The following SPATA13 variants were observed in gnomAD, a reference collection of about 807,000 sequenced individuals.
SPATA13 encodes the protein spermatogenesis-associated protein 13.
Under a neutral mutation model 104.0 loss-of-function variants are expected in SPATA13, and 50 were observed. The observed-to-expected ratio is 0.48, with a 90% CI of 0.38 to 0.61. The LOEUF is 0.61. SPATA13 is among the 20% of genes least tolerant of loss of function. The pLI, the probability that SPATA13 is intolerant of heterozygous loss-of-function variation, is 0.00. For synonymous variants in SPATA13, 606 were observed against 667.5 expected, an observed-to-expected ratio of 0.91 and a Z score of 1.42; for missense variants, 1,524 against 1,690.6, an observed-to-expected ratio of 0.90 and a Z score of 1.73.
At chr13:24,299,110 C>T (rs1240562876) in intron 11 of SPATA13, among the ~76,000 whole-genome samples, 1 of 152,230 alleles carries the variant, frequency 6.6e-6, no homozygotes, top group Admixed American at 6.5e-5. Context: ...TGCAAAATGA[C>T]AGAGCCACAA....
chr13:24,150,268 C>G (rs1367278398), intron 3 of SPATA13, among the ~76,000 whole-genome samples: 1 of 152,212 alleles, frequency 6.6e-6, no homozygotes, highest in East Asian at 1.9e-4. Context: ...CCAGTGCACC[C>G]ACCGCATGTC....
intron 1 of SPATA13, among the ~76,000 whole-genome samples, chr13:24,182,387 T>C (rs1868869408): frequency 6.6e-6 from 1 of 152,114 alleles, no homozygotes; most frequent in Non-Finnish European, 1.5e-5. Flanking sequence ...ACAGGAAACA[T>C]AGTGCCAGTA....
At chr13:24,104,656 A>G (rs888020963) in intron 3 of SPATA13, among the ~76,000 whole-genome samples, 3 of 152,258 alleles carry the variant, frequency 2.0e-5, no homozygotes, top group Admixed American at 6.5e-5. Flanking sequence ...GGAAGTTCCC[A>G]TCTTTGATGA....
rs541452184 is a variant in SPATA13, at chr13:24,088,434, A to G, written c.-112+70733A>G. Among the ~76,000 whole-genome samples, 1 of 152,238 alleles carries G rather than the reference A, an allele frequency of 6.6e-6. No homozygotes were observed. The highest frequency in any genetic ancestry group is 1.9e-4 in the East Asian group (1 of 5,186). Reference sequence around the variant, plus strand: ...GTTTCCTTTCTTCCTCTTGAGATGAAGACACATGAGAACCCAAGCCCATCA... The same window carrying G: ...GTTTCCTTTCTTCCTCTTGAGATGAGGACACATGAGAACCCAAGCCCATCA... On this transcript the variant is annotated intron_variant, in intron 3 of 14. Coordinates refer to the SPATA13 transcript ENST00000424834. The surrounding 1 kb of genome is among the most constrained non-coding windows in gnomAD (Gnocchi z 4.3).
chr13:24,112,970 G>A lies in SPATA13; in HGVS notation c.-112+95269G>A, dbSNP rs113985883. Among the ~76,000 whole-genome samples the A allele has an allele frequency of 2.3e-3, 350 of 152,208 alleles. 5 individuals carry two copies. The highest frequency in any genetic ancestry group is 7.8e-3 in the African/African-American group (323 of 41,518). Reference sequence around the variant, plus strand: ...TCATTCTAGCAGACTCAACAGGAGGGGCTACTTACTGTAATGAGTCACAGC... The same window carrying A: ...TCATTCTAGCAGACTCAACAGGAGGAGCTACTTACTGTAATGAGTCACAGC... On this transcript the variant is annotated intron_variant, in intron 3 of 14. Transcript: ENST00000424834.
chr13:24,200,426 C>G (rs1012872125), intron 1 of SPATA13, among the ~76,000 whole-genome samples: 4 of 152,044 alleles, frequency 2.6e-5, no homozygotes, highest in African/African-American at 9.7e-5. Flanking sequence ...AGGACAAAGA[C>G]AAGTAAACAC....
intron 3 of SPATA13, among the ~76,000 whole-genome samples, chr13:24,135,622 C>T (rs982135171): frequency 2.7e-5 from 4 of 146,592 alleles, no homozygotes; most frequent in African/African-American, 5.1e-5. Context: ...GGCGTGAACC[C>T]GGGAGGCGGA....
At chr13:24,155,627 C>T (rs1358410155) in intron 3 of SPATA13, among the ~76,000 whole-genome samples, 3 of 152,130 alleles carry the variant, frequency 2.0e-5, no homozygotes, top group Non-Finnish European at 4.4e-5. Context: ...ATCCCAATGG[C>T]TTTCTGCAGA....
intron 1 of SPATA13, among the ~76,000 whole-genome samples, chr13:24,170,117 T>C (rs938163305): frequency 1.3e-5 from 2 of 152,154 alleles, no homozygotes; most frequent in Admixed American, 6.5e-5. Flanking sequence ...GCCTCAAATA[T>C]CTGCAGGGGG....
At chr13:24,242,748 A>G (rs1050111811) in intron 2 of SPATA13, among the ~76,000 whole-genome samples, 2 of 152,194 alleles carry the variant, frequency 1.3e-5, no homozygotes, top group African/African-American at 2.4e-5. Context: ...TTAAGGCTCA[A>G]ACTTATCTCT....
chr13:24,169,125 G>A (rs894960699), intron 1 of SPATA13, among the ~76,000 whole-genome samples: 2 of 152,092 alleles, frequency 1.3e-5, no homozygotes, highest in African/African-American at 2.4e-5. Flanking sequence ...GGATCTCTGC[G>A]TGTCCTTGGG....
At position 24,222,896 on chromosome 13, in the gene SPATA13, G is replaced by A. The variant is rs1398244802; in HGVS notation, c.-34G>A. 4 of 1,549,716 alleles carry A rather than the reference G, an allele frequency of 2.6e-6. No homozygotes were observed. The African/African-American group carries it at 4.1e-5, about 16-fold the overall frequency. On this transcript the variant is annotated 5_prime_UTR_variant, in exon 2 of 13. Transcript: ENST00000382108. Reference sequence around the variant, plus strand: ...GCATTCCTGGAGATGAAGGCCTGGAGCTGCGGTCTGCGGACTCGGCAGTGC... The same window carrying A: ...GCATTCCTGGAGATGAAGGCCTGGAACTGCGGTCTGCGGACTCGGCAGTGC...
At chr13:24,143,914 GA>G (rs1366738749) in intron 3 of SPATA13, among the ~76,000 whole-genome samples, 6 of 152,084 alleles carry the variant, frequency 3.9e-5, no homozygotes, top group African/African-American at 1.5e-4. Flanking sequence ...TGCAAAATGG[GA>G]AAAAGAACAC....
At chr13:24,164,011 G>A (rs1882618642) in intron 1 of SPATA13, among the ~76,000 whole-genome samples, 2 of 152,170 alleles carry the variant, frequency 1.3e-5, no homozygotes, top group South Asian at 4.1e-4. Flanking sequence ...CATCACAGTG[G>A]TATAAATTCA....
intron 3 of SPATA13, among the ~76,000 whole-genome samples, chr13:24,022,242 G>A (rs901176894): frequency 1.2e-4 from 18 of 149,476 alleles, no homozygotes; most frequent in African/African-American, 4.4e-4. Flanking sequence ...CACCATGTTG[G>A]CCAGGCTGGT....
intron 3 of SPATA13, among the ~76,000 whole-genome samples, chr13:24,035,589 G>A (rs1240552554): frequency 6.6e-6 from 1 of 152,142 alleles, no homozygotes; most frequent in Non-Finnish European, 1.5e-5. Flanking sequence ...AAGAAAATAA[G>A]AAACAAACAT....
chr13:24,162,912 A>G (rs1882565668), intron 1 of SPATA13, among the ~76,000 whole-genome samples: 2 of 152,168 alleles, frequency 1.3e-5, no homozygotes, highest in Admixed American at 1.3e-4. Flanking sequence ...TTGTTATATG[A>G]CATGTTTTAT....
At chr13:24,095,549 TAGAA>T (rs753376688) in intron 3 of SPATA13, among the ~76,000 whole-genome samples, 2 of 152,182 alleles carry the variant, frequency 1.3e-5, no homozygotes, top group Non-Finnish European at 2.9e-5. Flanking sequence ...GCTATACGTT[TAGAA>T]ATGGTTATGA....
intron 3 of SPATA13, among the ~76,000 whole-genome samples, chr13:24,065,616 AGACG>A (rs1878931354): frequency 9.6e-6 from 1 of 104,278 alleles, no homozygotes; most frequent in South Asian, 3.3e-4. Flanking sequence ...AGACAGAGAG[AGACG>A]TCCCCTAAGC....
Sources: allele counts gnomAD v4.1 joint callset (sites outside exome capture counted in the v4.1 genomes callset), GRCh38; gene constraint gnomAD v4.1.1; non-coding constraint Gnocchi (gnomAD v3.1); transcripts MANE v1.5; gene names NCBI Gene and HGNC (gene_info 2026-07-23, HGNC 2026-07-21).